The following MED1 variants were observed in gnomAD, a reference collection of about 807,000 sequenced individuals.
The protein encoded by MED1 is mediator complex subunit 1, also known as mediator of RNA polymerase II transcription subunit 1.
MED1 carries 17 observed loss-of-function variants against 121.3 expected under a neutral mutation model. That is an observed-to-expected ratio of 0.14 (90% CI 0.10 to 0.21). The LOEUF is 0.21. Among genes scored for constraint, MED1 ranks in the 10% least tolerant of loss-of-function variants. The pLI is 1.00. For synonymous variants in MED1, 661 were observed against 694.4 expected, an observed-to-expected ratio of 0.95 and a Z score of 0.76; for missense variants, 1,558 against 1,919.4, an observed-to-expected ratio of 0.81 and a Z score of 3.52.
At position 39,406,789 on chromosome 17, in the gene MED1, C is replaced by T. The variant is rs1158164379; in HGVS notation, c.*686G>A. 1 of 985,448 alleles carries T rather than the reference C, an allele frequency of 1.0e-6. No individual in the cohort carries two copies. The highest frequency in any genetic ancestry group is 1.2e-6 in the Non-Finnish European group (1 of 829,954). The allele number at this position is 985,448 out of a possible 1,614,324, so 61.0% of individuals were successfully genotyped here. A position where few individuals can be genotyped will look rare whatever the true frequency, so the allele number is the denominator to read the frequency against. On this transcript the variant is annotated 3_prime_UTR_variant, in exon 17 of 17. Coordinates refer to ENST00000300651, the MANE Select transcript of MED1 (RefSeq NM_004774.4). ...ATAAGCTCCCTACCACCATATAAGC[C>T]TTGCTCTTCGGCCTTCCATCATTTT... is the stretch of plus-strand genomic sequence containing the variant.
intron 10 of MED1, 95 bp from the exon 11 acceptor site, chr17:39,424,833 A>G (rs2048499767): frequency 5.5e-6 from 4 of 728,912 alleles, no homozygotes; most frequent in Non-Finnish European, 9.6e-6. Context: ...AATATTTGTC[A>G]GCTATAATTT....
At chr17:39,413,423 C>T (rs987753165) in intron 16 of MED1, among the ~76,000 whole-genome samples, 10 of 152,180 alleles carry the variant, frequency 6.6e-5, no homozygotes, top group African/African-American at 2.4e-4. Flanking sequence ...CCACCATGCT[C>T]GGTTAATTTT....
chr17:39,439,937 A>G (rs553869991), intron 5 of MED1, among the ~76,000 whole-genome samples: 57 of 145,244 alleles, frequency 3.9e-4, no homozygotes, highest in Middle Eastern at 3.6e-3. Flanking sequence ...TGTCCCAGGG[A>G]AAAAAAAAAA....
chr17:39,415,917 G>T (rs1261047794), intron 14 of MED1, among the ~76,000 whole-genome samples: 10 of 150,414 alleles, frequency 6.6e-5, no homozygotes, highest in Non-Finnish European at 1.5e-4. Flanking sequence ...TTCAACCTGG[G>T]AGGCAAGGGT....
intron 16 of MED1, among the ~76,000 whole-genome samples, chr17:39,411,966 C>T (rs1037580909): frequency 1.3e-5 from 2 of 150,586 alleles, no homozygotes; most frequent in African/African-American, 4.9e-5. Flanking sequence ...GAGATTGTGC[C>T]ATGGCACTCC....
At position 39,440,120 on chromosome 17, in the gene MED1, G is replaced by T. The variant is rs968518401; in HGVS notation, c.399+266C>A. Among the ~76,000 whole-genome samples, 11 of 150,516 alleles carry T rather than the reference G, an allele frequency of 7.3e-5. 1 individual carries two copies. Among genetic ancestry groups the T allele is most frequent in the South Asian group, 6.3e-4 (3 of 4,774 alleles). On this transcript the variant is annotated intron_variant, in intron 5 of 16. Transcript: ENST00000300651. This position sits in a 1 kb window ranked among gnomAD's most constrained non-coding sequence, Gnocchi z 4.1. ...AGAAAGAAAGAAAAAAGAAAGAAAA[G>T]AAAGAAAGGAAGGAAGGAAGGAAGG...
At position 39,410,298 on chromosome 17, in the gene MED1, G is replaced by A. The variant is rs1481660812; in HGVS notation, c.1923C>T (p.Asn641=). 1.2e-6 allele frequency: 2 copies of A among 1,613,886 alleles called. No homozygotes were observed. Among genetic ancestry groups the A allele is most frequent in the African/African-American group, 2.7e-5 (2 of 74,856 alleles). ...PVSSMAGNTK[N]HPMLMNLLKD... is the part of the protein sequence containing the mutation. ...TAAGAAGGTTCATGAGCATCGGGTG[G>A]TTCTTGGTGTTGCCGGCCATCGAAG... The change falls in exon 17 of 17, where the codon AAC becomes AAT. Residue 641 remains asparagine, a synonymous_variant. Coordinates refer to ENST00000300651, the MANE Select transcript of MED1 (RefSeq NM_004774.4).
Position 39,447,834 on chromosome 17 carries a change from G to A in MED1, c.96C>T (p.Pro32=), listed in dbSNP as rs1356954536. The change falls in exon 2 of 17, where the codon CCC becomes CCT. Residue 32 remains proline, a synonymous_variant. Transcript: ENST00000300651. ...GCACAAGCTTAATGGTTTCACTCCAGGGTCTATTTTGGTTAAATTTTGCAT... is the reference window on the plus strand; with the variant it reads ...GCACAAGCTTAATGGTTTCACTCCAAGGTCTATTTTGGTTAAATTTTGCAT... ...RLHAKFNQNR[P]WSETIKLVRQ... is the part of the protein sequence containing the mutation. 6.2e-7 allele frequency: 1 copy of A among 1,613,694 alleles called. No homozygotes were observed. The highest frequency in any genetic ancestry group is 1.3e-5 in the African/African-American group (1 of 75,014).
chr17:39,438,468 T>C (rs2048641943), intron 6 of MED1, among the ~76,000 whole-genome samples: 1 of 150,134 alleles, frequency 6.7e-6, no homozygotes, highest in African/African-American at 2.4e-5. Context: ...TCAGCCTCCC[T>C]AGTAGCTGGA....
intron 10 of MED1, among the ~76,000 whole-genome samples, chr17:39,426,302 C>T (rs1283077222): frequency 6.6e-6 from 1 of 151,900 alleles, no homozygotes. Context: ...CAAGAATTAG[C>T]CGGGTGTGGT....
At chr17:39,442,624 T>G (rs1376320975) in intron 3 of MED1, among the ~76,000 whole-genome samples, 1 of 141,604 alleles carries the variant, frequency 7.1e-6, no homozygotes, top group African/African-American at 2.6e-5. Context: ...AAAAAAAACT[T>G]CGCGAGTTGC....
At chr17:39,445,806 G>A (rs2048720527) in intron 2 of MED1, among the ~76,000 whole-genome samples, 1 of 151,950 alleles carries the variant, frequency 6.6e-6, no homozygotes, top group Non-Finnish European at 1.5e-5. Context: ...TGAGGCAGGT[G>A]GATCACAAGG....
At chr17:39,414,961 C>G in intron 16 of MED1, 65 bp downstream of exon 16, 1 of 1,450,796 alleles carries the variant, frequency 6.9e-7, no homozygotes, top group Non-Finnish European at 9.7e-7. Context: ...AGCCACCGCG[C>G]CCTACTCAAC....
intron 5 of MED1, among the ~76,000 whole-genome samples, chr17:39,439,658 G>A (rs2048652774): frequency 6.6e-6 from 1 of 152,010 alleles, no homozygotes; most frequent in Non-Finnish European, 1.5e-5. Context: ...AAGGGTTCCT[G>A]CCGGTGCAGT....
chr17:39,434,383 CT>C, intron 6 of MED1, 63 bp from the exon 7 acceptor site: 1 of 852,102 alleles, frequency 1.2e-6, no homozygotes, highest in Non-Finnish European at 1.8e-6. Context: ...ACTACTCAAT[CT>C]TACAACAAAG....
chr17:39,440,671 G>A lies in MED1; in HGVS notation c.218C>T (p.Ser73Phe). The change falls in exon 4 of 17, where the codon TCT becomes TTT. Residue 73 changes from serine to phenylalanine, a missense_variant. Ser to Phe is a radical substitution (Grantham distance 155). This residue lies in a region of MED1 where 443 missense variants were observed against 532.4 expected (regional missense o/e 0.83). Transcript: ENST00000300651. The surrounding 1 kb of genome is among the most constrained non-coding windows in gnomAD (Gnocchi z 4.1). Reference protein sequence around the residue: ...ETLQKALKVTSLPAMTDRLES... With the variant: ...ETLQKALKVTFLPAMTDRLES... ...CAAACGATCAGTCATTGCTGGTAAA[G>A]ATGTTACTATAAAAGGATGAAAAAA... 6.2e-7 allele frequency: 1 copy of A among 1,612,616 alleles called. No individual in the cohort carries two copies. The highest frequency in any genetic ancestry group is 8.5e-7 in the Non-Finnish European group (1 of 1,179,182).
At chr17:39,432,254 A>G (rs2048571753) in intron 7 of MED1, among the ~76,000 whole-genome samples, 1 of 146,152 alleles carries the variant, frequency 6.8e-6, no homozygotes, top group South Asian at 2.2e-4. Flanking sequence ...GAGGCAGGAG[A>G]ATTGCTTGAA....
intron 1 of MED1, among the ~76,000 whole-genome samples, chr17:39,449,040 T>C (rs1308806253): frequency 6.6e-6 from 1 of 151,944 alleles, no homozygotes; most frequent in East Asian, 1.9e-4. Context: ...ATCTTTCTTT[T>C]CTTTTTTTTT....
At chr17:39,416,695 G>C (rs900680491) in intron 14 of MED1, among the ~76,000 whole-genome samples, 1 of 152,038 alleles carries the variant, frequency 6.6e-6, no homozygotes, top group Non-Finnish European at 1.5e-5. Flanking sequence ...TCCATGAGAA[G>C]AATCTCCTGG....
Sources: gnomAD v4.1 joint callset for allele counts (sites outside exome capture counted in the v4.1 genomes callset) on GRCh38, gnomAD v4.1.1 for gene constraint, gnomAD v4.1.1 regional missense constraint, Gnocchi (gnomAD v3.1) non-coding constraint, MANE v1.5 for transcripts, NCBI Gene and HGNC (gene_info 2026-07-23, HGNC 2026-07-21) for gene names.